MORC1: variants seen among roughly 807,000 people sequenced by gnomAD.
The protein encoded by MORC1 is MORC family CW-type zinc finger protein 1.
In MORC1, 59 loss-of-function variants were observed where a neutral mutation model predicts 134.9. That is an observed-to-expected ratio of 0.44 (90% CI 0.35 to 0.54). The LOEUF (loss-of-function observed/expected upper bound fraction) is 0.54, where lower values mean the gene tolerates loss of function less well. MORC1 is among the 20% of genes least tolerant of loss of function. The pLI, the probability that MORC1 is intolerant of heterozygous loss-of-function variation, is 0.00. For synonymous variants in MORC1, 395 were observed against 391.7 expected (o/e 1.01, Z -0.10); for missense variants, 947 against 1,134.5 (o/e 0.83, Z 2.37).
In MORC1 at chr3:109,114,436, T is replaced by C; in HGVS notation, c.67A>G (p.Thr23Ala). 1 of 1,612,774 alleles carries C rather than the reference T, an allele frequency of 6.2e-7. No individual in the cohort carries two copies. The highest frequency in any genetic ancestry group is 8.5e-7 in the Non-Finnish European group (1 of 1,179,228). The change falls in exon 2 of 28, where the codon ACC (threonine) becomes GCC (alanine). Residue 23 changes from threonine (T) to alanine (A), a missense_variant and splice_region_variant. Coordinates refer to ENST00000232603, the MANE Select transcript of MORC1 (RefSeq NM_014429.4). The stretch of plus-strand genomic sequence containing the variant: ...GCTCCAAAAAGGAAACTGTGAGTGG[T>C]GCTGATGAAGAAATAAAGAGAAAAC... ...LRLDFIHANS[T>A]THSFLFGALA...
At chr3:109,080,115 T>C (rs1187700412) in intron 8 of MORC1, among the ~76,000 whole-genome samples, 1 of 152,184 alleles carries the variant, frequency 6.6e-6, no homozygotes, top group Non-Finnish European at 1.5e-5. Flanking sequence ...CTTTCCCATA[T>C]CATGTATTAG....
In MORC1 at chr3:109,093,417, C is replaced by T. The variant is rs1375849011; in HGVS notation, c.689+19G>A. ...CTCACCACCATTGTTGAAAAACATT[C>T]TGTCAAACACACACATACTCCTCCA... On this transcript the variant is annotated intron_variant, in intron 8 of 27. Transcript: ENST00000232603. The T allele has an allele frequency of 1.9e-6, 3 of 1,579,804 alleles. No individual in the cohort carries two copies. Among genetic ancestry groups the T allele is most frequent in the African/African-American group, 2.7e-5 (2 of 74,162 alleles).
At chr3:109,094,834 CAT>C (rs1950798602) in intron 7 of MORC1, 73 bp downstream of exon 7, 2 of 1,363,372 alleles carry the variant, frequency 1.5e-6, no homozygotes, top group Admixed American at 6.2e-5. Context: ...AAAATGAAAA[CAT>C]ATGTACAGTG....
intron 17 of MORC1, among the ~76,000 whole-genome samples, chr3:109,013,031 T>C (rs1298014778): frequency 1.3e-5 from 2 of 152,210 alleles, no homozygotes; most frequent in Admixed American, 1.3e-4. Context: ...AGATTTTAGC[T>C]GCAAGTGTTT....
At chr3:109,108,725 G>A (rs1398774173) in intron 3 of MORC1, among the ~76,000 whole-genome samples, 1 of 151,950 alleles carries the variant, frequency 6.6e-6, no homozygotes, top group African/African-American at 2.4e-5. Flanking sequence ...GTGAAACCCC[G>A]GCTCTACTAA....
Position 108,967,050 on chromosome 3 carries a change from A to G in MORC1, c.2604+2619T>C, listed in dbSNP as rs3792354. 6.6e-3 allele frequency among the ~76,000 whole-genome samples: 998 copies of G among 152,326 alleles called. 33 individuals are homozygous for G. The East Asian group carries it at 0.081, about 12-fold the overall frequency. ...ATGTGGCTCTCTTTATTAAATGCAC[A>G]CACCTTAAATCAAGTTGTTCTGTGT... On this transcript the variant is annotated intron_variant, in intron 26 of 27. Coordinates refer to ENST00000232603, the MANE Select transcript of MORC1 (RefSeq NM_014429.4).
chr3:109,040,756 G>A (rs1202638326), intron 14 of MORC1, among the ~76,000 whole-genome samples: 1 of 149,438 alleles, frequency 6.7e-6, no homozygotes, highest in African/African-American at 2.5e-5. Context: ...CTTGAAACTG[G>A]GAGGCAGAGG....
Position 109,063,291 on chromosome 3 carries a change from A to G in MORC1, c.816-60T>C. 7 of 1,112,236 alleles carry G rather than the reference A, an allele frequency of 6.3e-6. No homozygotes were observed. The South Asian group carries it at 9.9e-5, about 16-fold the overall frequency. The allele number at this position is 1,112,236 out of a possible 1,614,324, so 68.9% of individuals were successfully genotyped here. On this transcript the variant is annotated intron_variant, in intron 9 of 27. Transcript: ENST00000232603. Reference sequence around the variant, plus strand: ...ATTATCATTTTAAAATACATAAGACAATATTCTTTAGTAAGACTATATGCT... The same window carrying G: ...ATTATCATTTTAAAATACATAAGACGATATTCTTTAGTAAGACTATATGCT...
At chr3:109,043,187 G>GT (rs1949598648) in intron 14 of MORC1, among the ~76,000 whole-genome samples, 4 of 27,832 alleles carry the variant, frequency 1.4e-4, no homozygotes, top group African/African-American at 4.3e-4. Context: ...GTGGCAAAAT[G>GT]TGGGGGGGGG....
chr3:109,052,634 T>C (rs1030817284), intron 14 of MORC1, among the ~76,000 whole-genome samples: 1 of 152,152 alleles, frequency 6.6e-6, no homozygotes, highest in South Asian at 2.1e-4. Context: ...TACGGCAGGA[T>C]GGATACAAAT....
chr3:108,982,408 C>A (rs1361031346), intron 23 of MORC1, among the ~76,000 whole-genome samples: 1 of 151,978 alleles, frequency 6.6e-6, no homozygotes, highest in Non-Finnish European at 1.5e-5. Flanking sequence ...TGGGTATATA[C>A]CCAAAGGATT....
chr3:109,040,403 A>AGAAGGAAGGAAGGAAGGAAGGAAG (rs34585181), intron 14 of MORC1, among the ~76,000 whole-genome samples: 6 of 13,558 alleles, frequency 4.4e-4, no homozygotes, highest in Non-Finnish European at 5.5e-4. Flanking sequence ...AGAAAGAAAG[A>AGAAGGAAGGAAGGAAGGAAGGAAG]GAAGGAAGGA....
At chr3:109,040,489 GAAAGAAAAGA>G (rs1423525992) in intron 14 of MORC1, among the ~76,000 whole-genome samples, 1 of 80,810 alleles carries the variant, frequency 1.2e-5, no homozygotes, top group South Asian at 4.6e-4. Context: ...AGAAAGAAAG[GAAAGAAAAGA>G]AAGGAAGGAA....
chr3:109,030,734 G>A (rs1576652741), intron 16 of MORC1, among the ~76,000 whole-genome samples: 2 of 152,138 alleles, frequency 1.3e-5, no homozygotes, highest in Non-Finnish European at 2.9e-5. Flanking sequence ...CTGTTTTTAC[G>A]TGTAAAAGAG....
At chr3:109,059,607 G>A (rs370424180) in intron 12 of MORC1, among the ~76,000 whole-genome samples, 199 bp downstream of exon 12, 16 of 152,032 alleles carry the variant, frequency 1.1e-4, no homozygotes, top group East Asian at 7.7e-4. Flanking sequence ...ACACGTGTAC[G>A]TGCAAATATA....
Position 109,054,866 on chromosome 3 carries a change from C to T in MORC1, c.1192G>A (p.Val398Ile). 6.2e-7 allele frequency: 1 copy of T among 1,600,420 alleles called. No homozygotes were observed. The highest frequency in any genetic ancestry group is 8.5e-7 in the Non-Finnish European group (1 of 1,176,806). Residue 398 changes from valine (V) to isoleucine (I), a missense_variant, in exon 14 of 28, where the codon GTT (valine) becomes ATT (isoleucine). Val to Ile is a conservative substitution (Grantham distance 29). Coordinates refer to ENST00000232603, the MANE Select transcript of MORC1 (RefSeq NM_014429.4). ...KLKSLLGAGV[V>I]GIVNIPLEVM... is the part of the protein sequence containing the mutation. ...TCCAAGGGTATATTAACAATTCCAA[C>T]CACGCCTGCGCCAAGTCTGAGAAAA...
At chr3:108,995,972 C>T (rs1458648731) in intron 21 of MORC1, among the ~76,000 whole-genome samples, 3 of 152,006 alleles carry the variant, frequency 2.0e-5, no homozygotes. Flanking sequence ...TGATTGAATT[C>T]ATGTAGGGGA....
chr3:108,974,348 T>A (rs1241484034), intron 24 of MORC1, among the ~76,000 whole-genome samples: 1 of 152,222 alleles, frequency 6.6e-6, no homozygotes, highest in African/African-American at 2.4e-5. Flanking sequence ...TGATTGTAGA[T>A]GCTTAAGAAC....
Position 109,026,355 on chromosome 3 carries a change from T to TG in MORC1, c.1704+1395dup, listed in dbSNP as rs1217283284. Among the ~76,000 whole-genome samples, 112 of 152,212 alleles carry TG rather than the reference T, an allele frequency of 7.4e-4. 1 individual carries two copies. Among genetic ancestry groups the TG allele is most frequent in the Non-Finnish European group, 5.1e-4 (35 of 68,022 alleles). ...ATCTATAACCTTGGCTTAAATCTTA[T>TG]GAAAAAAAATCAACTACCAACAAAA... is the stretch of plus-strand genomic sequence containing the variant. On this transcript the variant is annotated intron_variant, in intron 17 of 27. Coordinates refer to ENST00000232603, the MANE Select transcript of MORC1 (RefSeq NM_014429.4).
Sources: gnomAD v4.1 joint callset for allele counts (sites outside exome capture counted in the v4.1 genomes callset) on GRCh38, gnomAD v4.1.1 for gene constraint, MANE v1.5 for transcripts, NCBI Gene and HGNC (gene_info 2026-07-23, HGNC 2026-07-21) for gene names.